Variants in ARHGAP20 observed in about 807,000 individuals in gnomAD.
The protein encoded by ARHGAP20 is Rho GTPase activating protein 20.
In ARHGAP20, 34 loss-of-function variants were observed where a neutral mutation model predicts 73.7. That is an observed-to-expected ratio of 0.46 (90% CI 0.35 to 0.61). The LOEUF (loss-of-function observed/expected upper bound fraction) is 0.61. ARHGAP20 is among the 20% of genes least tolerant of loss of function. The pLI is 0.00. For synonymous variants in ARHGAP20, 523 were observed against 518.2 expected (o/e 1.01, Z -0.13); for missense variants, 1,314 against 1,420.9 (o/e 0.92, Z 1.21).
At position 110,579,304 on chromosome 11, in the gene ARHGAP20, T is replaced by A. The variant is rs1345906579; in HGVS notation, c.*66A>T. On this transcript the variant is annotated 3_prime_UTR_variant, in exon 15 of 15. Coordinates refer to ENST00000683387, the MANE Select transcript of ARHGAP20 (RefSeq NM_001384657.1). The stretch of plus-strand genomic sequence containing the variant: ...CCAGGTATCTTATACAAAGGGGTCA[T>A]AATAATTATTGTCTATTATTATTAA... The A allele has an allele frequency of 2.7e-6, 4 of 1,497,898 alleles. No homozygotes were observed. The highest frequency in any genetic ancestry group is 3.6e-6 in the Non-Finnish European group (4 of 1,122,654). The allele number at this position is 1,497,898 out of a possible 1,614,324, so 92.8% of individuals were successfully genotyped here.
intron 12 of ARHGAP20, 25 bp downstream of exon 12, chr11:110,586,191 G>A (rs747987536): frequency 8.1e-6 from 10 of 1,234,518 alleles, no homozygotes. Context: ...GTATTTTTGA[G>A]ACATGACCAA....
Position 110,690,598 on chromosome 11 carries a change from C to T in ARHGAP20, c.137G>A (p.Ser46Asn), listed in dbSNP as rs770368626. The change falls in exon 2 of 15, where the codon AGC becomes AAC. Residue 46 changes from serine to asparagine, a missense_variant. Physicochemically the swap from Ser to Asn is conservative, Grantham distance 46 (BLOSUM62 1). Around this residue, in one of 3 missense-constraint regions of ARHGAP20, gnomAD observed 443 missense variants for 466.4 expected, o/e 0.95. Transcript: ENST00000683387. ...KMKTLAERRR[S>N]APSLILDKAL... is the part of the protein sequence containing the mutation. The stretch of plus-strand genomic sequence containing the variant: ...TTTATCCAGGATAAGAGATGGAGCG[C>T]TCCTCCTCCTTTCTGCTAGTGTTTT... 13 of 1,614,052 alleles carry T rather than the reference C, an allele frequency of 8.1e-6. No homozygotes were observed. The South Asian group carries it at 1.3e-4, about 16-fold the overall frequency.
chr11:110,619,851 G>T (rs1182585827), intron 4 of ARHGAP20, among the ~76,000 whole-genome samples: 1 of 152,118 alleles, frequency 6.6e-6, no homozygotes, highest in Non-Finnish European at 1.5e-5. Context: ...TGTAGTGATA[G>T]AGATGAAACT....
Position 110,625,035 on chromosome 11 carries a change from T to A in ARHGAP20, c.354-724A>T, listed in dbSNP as rs1232852679. ...TTTTTTTTTTATTTTTATTTTTATT[T>A]TTTTTTTTTTTTTGAGACGGAGTCT... On this transcript the variant is annotated intron_variant, in intron 3 of 14. Transcript: ENST00000683387. Among the ~76,000 whole-genome samples the A allele has an allele frequency of 1.0e-3, 136 of 132,160 alleles. No homozygotes were observed. The South Asian group carries it at 0.012, about 11-fold the overall frequency. The allele number at this position is 132,160 out of a possible 152,430, so 86.7% of individuals were successfully genotyped here.
chr11:110,655,482 C>T (rs948616426), intron 2 of ARHGAP20, among the ~76,000 whole-genome samples: 3 of 152,108 alleles, frequency 2.0e-5, no homozygotes, highest in African/African-American at 4.8e-5. Context: ...CTCCGCAATG[C>T]CAAGGGTTTT....
chr11:110,699,170 G>T (rs2197932), intron 1 of ARHGAP20, among the ~76,000 whole-genome samples: 22,716 of 151,714 alleles, frequency 0.15, 1,794 homozygotes, highest in South Asian at 0.29. Context: ...TTACCCAAAG[G>T]TCACTCAGGA....
intron 2 of ARHGAP20, among the ~76,000 whole-genome samples, chr11:110,689,647 C>T (rs771152850): frequency 7.2e-5 from 11 of 152,172 alleles, no homozygotes; most frequent in Middle Eastern, 3.4e-3. Context: ...AAAGGCTCCC[C>T]GCAACACACA....
chr11:110,620,217 GA>G (rs35849954), intron 4 of ARHGAP20, among the ~76,000 whole-genome samples: 24,920 of 151,896 alleles, frequency 0.16, 2,487 homozygotes, highest in East Asian at 0.31. Flanking sequence ...TTTTTTTAGA[GA>G]TGGGGTCTAT....
At chr11:110,705,084 AC>A (rs1950529538) in intron 1 of ARHGAP20, among the ~76,000 whole-genome samples, 2 of 152,204 alleles carry the variant, frequency 1.3e-5, no homozygotes, top group South Asian at 4.2e-4. Context: ...AGCTACAGAC[AC>A]CTTCTAGGAA....
At chr11:110,644,453 C>G (rs930212931) in intron 2 of ARHGAP20, among the ~76,000 whole-genome samples, 4 of 152,072 alleles carry the variant, frequency 2.6e-5, no homozygotes, top group Admixed American at 6.6e-5. Flanking sequence ...GGTACTAAAA[C>G]AGACACAGAG....
chr11:110,686,438 C>G (rs535718079), intron 2 of ARHGAP20, among the ~76,000 whole-genome samples: 9 of 151,964 alleles, frequency 5.9e-5, no homozygotes, highest in Middle Eastern at 3.4e-3. Flanking sequence ...TAGTAGTTAC[C>G]CCTGGGGATG....
At chr11:110,660,835 A>G (rs1591151374) in intron 2 of ARHGAP20, among the ~76,000 whole-genome samples, 1 of 152,122 alleles carries the variant, frequency 6.6e-6, no homozygotes, top group East Asian at 1.9e-4. Flanking sequence ...CGAGAAAAAA[A>G]TTGGGGCTAG....
At chr11:110,615,624 T>C in intron 4 of ARHGAP20, 30 bp from the exon 5 acceptor site, 1 of 1,591,094 alleles carries the variant, frequency 6.3e-7, no homozygotes, top group Non-Finnish European at 8.6e-7. Flanking sequence ...GAGAGAAAAA[T>C]TAAACCACAT....
intron 10 of ARHGAP20, 101 bp downstream of exon 10, chr11:110,591,876 T>C: frequency 4.2e-6 from 5 of 1,197,502 alleles, no homozygotes; most frequent in Non-Finnish European, 5.9e-6. Context: ...CCAAAGACAG[T>C]GGTGTCTATA....
chr11:110,586,920 G>GGA (rs71476090), intron 11 of ARHGAP20, among the ~76,000 whole-genome samples: 18 of 152,004 alleles, frequency 1.2e-4, no homozygotes, highest in East Asian at 3.9e-4. Flanking sequence ...TCATATATTT[G>GGA]GAGAGAGAGA....
chr11:110,709,784 AT>A (rs1950613381), intron 1 of ARHGAP20, among the ~76,000 whole-genome samples: 1 of 152,228 alleles, frequency 6.6e-6, no homozygotes, highest in East Asian at 1.9e-4. Flanking sequence ...AGGGGTCTGA[AT>A]TTTATTATAA....
intron 2 of ARHGAP20, among the ~76,000 whole-genome samples, chr11:110,647,307 G>C (rs1949217114): frequency 6.6e-6 from 1 of 152,094 alleles, no homozygotes; most frequent in East Asian, 1.9e-4. Context: ...GTTAGTATAG[G>C]TGGAGAACAG....
intron 12 of ARHGAP20, among the ~76,000 whole-genome samples, chr11:110,584,609 G>A (rs532251755): frequency 5.7e-4 from 87 of 152,038 alleles, no homozygotes; most frequent in Non-Finnish European, 1.0e-3. Flanking sequence ...GGAAAATAAG[G>A]CATCTAGCAT....
At chr11:110,618,334 T>C (rs971789585) in intron 4 of ARHGAP20, among the ~76,000 whole-genome samples, 5 of 152,184 alleles carry the variant, frequency 3.3e-5, no homozygotes, top group African/African-American at 1.2e-4. Context: ...TAAGATGAGT[T>C]TTAATTTGAT....
Sources: gnomAD v4.1 joint callset for allele counts (sites outside exome capture counted in the v4.1 genomes callset) on GRCh38, gnomAD v4.1.1 for gene constraint, gnomAD v4.1.1 regional missense constraint, MANE v1.5 for transcripts, NCBI Gene and HGNC (gene_info 2026-07-23, HGNC 2026-07-21) for gene names.